The following ABCC1 variants were observed in gnomAD, a reference collection of about 807,000 sequenced individuals.
The protein encoded by ABCC1 is ATP binding cassette subfamily C member 1 (ABCC1 blood group), also known as multidrug resistance-associated protein 1.
A neutral mutation model predicts 172.9 loss-of-function variants in ABCC1; 83 were observed. That is an observed-to-expected ratio of 0.48 (90% CI 0.40 to 0.58). ABCC1 has a LOEUF of 0.58. ABCC1 is among the 20% of genes least tolerant of loss of function. The probability of loss-of-function intolerance (pLI) is 0.00; values close to 1 mark genes in which losing one functional copy is unlikely to be tolerated. For synonymous variants in ABCC1, 937 were observed against 825.2 expected (o/e 1.14, Z -2.32); for missense variants, 1,817 against 2,002.7 (o/e 0.91, Z 1.77).
At chr16:16,136,721 T>A in intron 29 of ABCC1, 77 bp downstream of exon 29, 1 of 1,496,238 alleles carries the variant, frequency 6.7e-7, no homozygotes, top group Non-Finnish European at 9.0e-7. Context: ...GAAGATTCTG[T>A]CCAGATCTGT....
At chr16:15,982,323 G>C (rs1354595480) in intron 1 of ABCC1, among the ~76,000 whole-genome samples, 2 of 152,088 alleles carry the variant, frequency 1.3e-5, no homozygotes, top group Non-Finnish European at 1.5e-5. Context: ...AAAGGGAAGA[G>C]ATTTAGTTGG....
At position 16,089,358 on chromosome 16, in the gene ABCC1, A is replaced by G. The variant is rs559800858; in HGVS notation, c.2461-1047A>G. 2.6e-5 allele frequency among the ~76,000 whole-genome samples: 4 copies of G among 152,150 alleles called. No individual in the cohort carries two copies. The South Asian group carries it at 8.3e-4, about 32-fold the overall frequency. Reference sequence around the variant, plus strand: ...GTTCAGGAGTTCAAGATGAGCCTGGACAACATGATGAGACCCCTGTCTTGA... The same window carrying G: ...GTTCAGGAGTTCAAGATGAGCCTGGGCAACATGATGAGACCCCTGTCTTGA... On this transcript the variant is annotated intron_variant, in intron 18 of 30. Coordinates refer to ENST00000399410, the MANE Select transcript of ABCC1 (RefSeq NM_004996.4).
chr16:15,958,666 G>C (rs558816295), intron 1 of ABCC1, among the ~76,000 whole-genome samples: 15 of 152,228 alleles, frequency 9.9e-5, no homozygotes, highest in African/African-American at 3.6e-4. Context: ...ATTAATTAAT[G>C]GCCAGACATC....
intron 1 of ABCC1, among the ~76,000 whole-genome samples, chr16:15,986,395 A>G (rs139939709): frequency 2.8e-4 from 42 of 152,304 alleles, no homozygotes; most frequent in Non-Finnish European, 5.3e-4. Context: ...GAACTGAGTC[A>G]TGCAACAGGA....
At chr16:16,028,876 C>G (rs962447608) in intron 5 of ABCC1, among the ~76,000 whole-genome samples, 7 of 152,082 alleles carry the variant, frequency 4.6e-5, no homozygotes, top group Admixed American at 1.3e-4. Context: ...CAGGTCTGTC[C>G]GGGTCCACGG....
At chr16:16,132,011 G>A (rs2152137488) in intron 27 of ABCC1, 76 bp downstream of exon 27, 2 of 1,548,152 alleles carry the variant, frequency 1.3e-6, no homozygotes, top group African/African-American at 1.4e-5. Flanking sequence ...GAACCTAGCT[G>A]CAGCGTCTCC....
intron 19 of ABCC1, among the ~76,000 whole-genome samples, chr16:16,097,287 A>G (rs1340769883): frequency 6.6e-6 from 1 of 152,018 alleles, no homozygotes; most frequent in African/African-American, 2.4e-5. Context: ...TAATTTTTGT[A>G]TTTTTAGTAG....
chr16:16,098,550 CG>C (rs1423803034), intron 19 of ABCC1, among the ~76,000 whole-genome samples: 3 of 152,186 alleles, frequency 2.0e-5, no homozygotes, highest in African/African-American at 7.2e-5. Flanking sequence ...ACCTGGGTGG[CG>C]GAGGTTGCGG....
At position 16,115,046 on chromosome 16, in the gene ABCC1, G is replaced by T. The variant is rs748005412; in HGVS notation, c.3360G>T (p.Pro1120=). 1 of 1,613,884 alleles carries T rather than the reference G, an allele frequency of 6.2e-7. No individual in the cohort carries two copies. Among genetic ancestry groups the T allele is most frequent in the African/African-American group, 1.3e-5 (1 of 74,916 alleles). ...LATPIAAIII[P]PLGLIYFFVQ... ...CGCCCATCGCCGCCATCATCATCCC[G>T]CCCCTTGGCCTCATCTACTTCTTCG... The change falls in exon 23 of 31, where the codon CCG becomes CCT. Residue 1120 remains proline, a synonymous_variant. Coordinates refer to ENST00000399410, the MANE Select transcript of ABCC1 (RefSeq NM_004996.4).
At chr16:15,966,272 C>T (rs544154393) in intron 1 of ABCC1, among the ~76,000 whole-genome samples, 4 of 151,294 alleles carry the variant, frequency 2.6e-5, no homozygotes, top group Admixed American at 1.3e-4. Context: ...AATTAGCTGG[C>T]GTGGTGGCAG....
At chr16:16,024,849 A>G (rs2048318240) in intron 5 of ABCC1, among the ~76,000 whole-genome samples, 1 of 152,144 alleles carries the variant, frequency 6.6e-6, no homozygotes, top group South Asian at 2.1e-4. Flanking sequence ...AGGGAGGCTG[A>G]GCCAGGATAT....
At chr16:16,047,721 T>C (rs1225386473) in intron 9 of ABCC1, among the ~76,000 whole-genome samples, 1 of 151,900 alleles carries the variant, frequency 6.6e-6, no homozygotes, top group Non-Finnish European at 1.5e-5. Flanking sequence ...CCCTCAGTCC[T>C]TCAGTGGGAT....
At chr16:16,072,472 A>C (rs2050387330) in intron 14 of ABCC1, among the ~76,000 whole-genome samples, 1 of 140,920 alleles carries the variant, frequency 7.1e-6, no homozygotes, top group African/African-American at 2.7e-5. Context: ...GGCATGAGCC[A>C]GTTCTCCTGG....
intron 16 of ABCC1, among the ~76,000 whole-genome samples, chr16:16,082,990 C>A (rs1003679643): frequency 6.6e-6 from 1 of 152,196 alleles, no homozygotes; most frequent in African/African-American, 2.4e-5. Flanking sequence ...TTTATCTTTG[C>A]GTCCACCGTA....
intron 1 of ABCC1, among the ~76,000 whole-genome samples, chr16:15,997,115 G>A (rs1440188606): frequency 7.8e-5 from 11 of 140,992 alleles, no homozygotes; most frequent in Admixed American, 1.5e-4. Context: ...TTTTTGAGAC[G>A]GAGTCTCGCT....
intron 23 of ABCC1, among the ~76,000 whole-genome samples, chr16:16,117,023 G>T (rs149828301): frequency 6.6e-6 from 1 of 152,094 alleles, no homozygotes. Flanking sequence ...GGATGGGACT[G>T]GGGGGGATTT....
Position 16,010,037 on chromosome 16 carries a change from CTTTTTTTT to C in ABCC1, c.351+152_351+159del, listed in dbSNP as rs71388789. The C allele has an allele frequency of 7.4e-4, 80 of 108,152 alleles. No homozygotes were observed. The East Asian group carries it at 7.4e-3, about 10-fold the overall frequency. The allele number at this position is 108,152 out of a possible 1,614,324, so 6.7% of individuals were successfully genotyped here. On this transcript the variant is annotated intron_variant, in intron 3 of 30. Coordinates refer to ENST00000399410, the MANE Select transcript of ABCC1 (RefSeq NM_004996.4). Reference sequence around the variant, plus strand: ...AGCTGGGATATAAATTAAATGTAGCCTTTTTTTTTTTTTTTTTTTTTTTAAAGACATGA... The same window carrying C: ...AGCTGGGATATAAATTAAATGTAGCCTTTTTTTTTTTTTTTAAAGACATGA...
chr16:15,971,170 G>A lies in ABCC1; in HGVS notation c.48+21371G>A, dbSNP rs371005315. ...GGTATATGTACAGAGGCTGGAAGAG[G>A]CAGTGTCTGATTTGCATAGGCCTCA... On this transcript the variant is annotated intron_variant, in intron 1 of 30. Coordinates refer to ENST00000399410, the MANE Select transcript of ABCC1 (RefSeq NM_004996.4). 2.8e-4 allele frequency among the ~76,000 whole-genome samples: 43 copies of A among 152,304 alleles called. 1 individual carries two copies. Among genetic ancestry groups the A allele is most frequent in the African/African-American group, 8.4e-4 (35 of 41,564 alleles).
At chr16:15,955,191 A>G (rs1226438803) in intron 1 of ABCC1, among the ~76,000 whole-genome samples, 2 of 152,124 alleles carry the variant, frequency 1.3e-5, no homozygotes, top group African/African-American at 2.4e-5. Flanking sequence ...ACCTGTCTCA[A>G]CTAAAAATAC....
Sources: gnomAD v4.1 joint callset for allele counts (sites outside exome capture counted in the v4.1 genomes callset) on GRCh38, gnomAD v4.1.1 for gene constraint, MANE v1.5 for transcripts, NCBI Gene and HGNC (gene_info 2026-07-23, HGNC 2026-07-21) for gene names.